SCN11A: variants seen among roughly 807,000 people sequenced by gnomAD.
SCN11A encodes sodium channel protein type 11 subunit alpha.
SCN11A carries 122 observed loss-of-function variants against 162.2 expected under a neutral mutation model. That is an observed-to-expected ratio of 0.75 (90% confidence interval 0.65 to 0.87). The LOEUF is 0.87. SCN11A is among the 40% of genes least tolerant of loss of function. The pLI is 0.00. For missense variants in SCN11A, 2,015 were observed against 2,181.6 expected (o/e 0.92, Z 1.52); for synonymous variants, 758 against 751.5 (o/e 1.01, Z -0.14).
At chr3:39,020,318 A>C (rs2031416818) in intron 2 of SCN11A, among the ~76,000 whole-genome samples, 1 of 152,230 alleles carries the variant, frequency 6.6e-6, no homozygotes, top group Non-Finnish European at 1.5e-5. Context: ...AGGTGTGGTC[A>C]ATGTTGCAAC....
chr3:39,001,642 C>T lies in SCN11A; in HGVS notation c.-280+30738G>A, dbSNP rs115076033. ...ATTTTGAATTAATTTTTGTGTATGG[C>T]GTGAAGTAGGGGCCCAACTTTATTC... is the stretch of plus-strand genomic sequence containing the variant. On this transcript the variant is annotated intron_variant, in intron 2 of 29. Transcript: ENST00000302328. 4.1e-3 allele frequency among the ~76,000 whole-genome samples: 628 copies of T among 152,058 alleles called. 9 individuals carry two copies. The highest frequency in any genetic ancestry group is 0.014 in the African/African-American group (592 of 41,422).
At chr3:38,990,274 C>A (rs1388612239) in intron 2 of SCN11A, among the ~76,000 whole-genome samples, 1 of 152,176 alleles carries the variant, frequency 6.6e-6, no homozygotes, top group African/African-American at 2.4e-5. Flanking sequence ...GGGCCCCGGG[C>A]TCCCTGCTGC....
At chr3:38,928,159 T>A (rs2066173495) in intron 7 of SCN11A, among the ~76,000 whole-genome samples, 1 of 152,200 alleles carries the variant, frequency 6.6e-6, no homozygotes, top group Non-Finnish European at 1.5e-5. Flanking sequence ...TAACTCAATA[T>A]GGATTAAAGT....
intron 23 of SCN11A, among the ~76,000 whole-genome samples, chr3:38,876,053 G>A (rs1227625569): frequency 6.6e-6 from 1 of 152,074 alleles, no homozygotes; most frequent in East Asian, 1.9e-4. Flanking sequence ...CAGAAATAAA[G>A]CCAAATACCT....
intron 2 of SCN11A, among the ~76,000 whole-genome samples, chr3:38,992,113 T>G (rs2030470991): frequency 6.6e-6 from 1 of 152,246 alleles, no homozygotes; most frequent in South Asian, 2.1e-4. Context: ...CTGGCCAGTC[T>G]GTTCTTTAGA....
chr3:39,028,270 C>T (rs1394326975), intron 2 of SCN11A, among the ~76,000 whole-genome samples: 1 of 152,206 alleles, frequency 6.6e-6, no homozygotes, highest in Admixed American at 6.5e-5. Context: ...CAGATCACAG[C>T]ATACATCCCC....
At chr3:38,918,810 C>T (rs1212581399) in intron 11 of SCN11A, among the ~76,000 whole-genome samples, 1 of 152,174 alleles carries the variant, frequency 6.6e-6, no homozygotes, top group African/African-American at 2.4e-5. Context: ...CCCATCATAC[C>T]TCTCAGCACC....
chr3:39,044,783 C>A (rs76523951), intron 1 of SCN11A, among the ~76,000 whole-genome samples: 1 of 151,586 alleles, frequency 6.6e-6, no homozygotes, highest in Non-Finnish European at 1.5e-5. Flanking sequence ...CAAGAACCAA[C>A]GAAACTCAAA....
chr3:38,974,712 AAG>A (rs1405499916), intron 2 of SCN11A, among the ~76,000 whole-genome samples: 4 of 146,564 alleles, frequency 2.7e-5, no homozygotes, highest in African/African-American at 9.9e-5. Context: ...AAAAAAAAAA[AAG>A]AAAAGAAAAG....
At chr3:39,043,431 A>T (rs1489154935) in intron 1 of SCN11A, among the ~76,000 whole-genome samples, 3 of 150,950 alleles carry the variant, frequency 2.0e-5, no homozygotes, top group Non-Finnish European at 4.4e-5. Context: ...CCATCAACAG[A>T]TGAATGGATA....
intron 23 of SCN11A, among the ~76,000 whole-genome samples, chr3:38,876,616 C>G (rs1369284005): frequency 6.6e-6 from 1 of 152,228 alleles, no homozygotes; most frequent in South Asian, 2.1e-4. Flanking sequence ...AAATGTTCAA[C>G]ATCACTAATT....
rs1005482281 is a variant in SCN11A, at chr3:39,001,911, C to T, written c.-280+30469G>A. On this transcript the variant is annotated intron_variant, in intron 2 of 29. Coordinates refer to ENST00000302328, the MANE Select transcript of SCN11A (RefSeq NM_001349253.2). ...AATTAGCTGGGCGTGGTGGCGGGCG[C>T]CTGTAGTCCCAGCTACTCAGGAGGC... 5.9e-5 allele frequency among the ~76,000 whole-genome samples: 9 copies of T among 152,156 alleles called. No homozygotes were observed. In the East Asian group the frequency reaches 1.7e-3, roughly 29 times the overall value.
chr3:38,935,923 G>GA (rs2066323897), intron 7 of SCN11A, among the ~76,000 whole-genome samples: 1 of 152,160 alleles, frequency 6.6e-6, no homozygotes, highest in South Asian at 2.1e-4. Flanking sequence ...CCAAAAAAGA[G>GA]AATTTTAGAC....
chr3:38,952,703 G>C (rs1186826970), intron 4 of SCN11A, among the ~76,000 whole-genome samples: 1 of 152,252 alleles, frequency 6.6e-6, no homozygotes, highest in African/African-American at 2.4e-5. Flanking sequence ...ATCAGGGACT[G>C]TTGTCCAAAC....
chr3:39,033,372 T>A (rs942093850), intron 1 of SCN11A, among the ~76,000 whole-genome samples: 3 of 112,656 alleles, frequency 2.7e-5, no homozygotes, highest in African/African-American at 1.2e-4. Flanking sequence ...GATGTTAAAC[T>A]TTTTTCATGT....
At position 39,016,642 on chromosome 3, in the gene SCN11A, C is replaced by T. The variant is rs911003283; in HGVS notation, c.-280+15738G>A. On this transcript the variant is annotated intron_variant, in intron 2 of 29. Transcript: ENST00000302328. ...TTTTGAGATGGAGTCTTACTCTTGT[C>T]GCCAGGCTGGAGTGCAGTGGTGAGA... Among the ~76,000 whole-genome samples the T allele has an allele frequency of 3.9e-5, 6 of 152,054 alleles. No individual in the cohort carries two copies. In the South Asian group the frequency reaches 1.2e-3, roughly 32 times the overall value.
At chr3:38,959,198 T>A (rs1200193573) in intron 3 of SCN11A, among the ~76,000 whole-genome samples, 1 of 152,182 alleles carries the variant, frequency 6.6e-6, no homozygotes, top group Non-Finnish European at 1.5e-5. Flanking sequence ...ATGGATTATC[T>A]TTCAGAATTT....
chr3:38,846,488 C>T lies in SCN11A; in HGVS notation c.*206G>A. On this transcript the variant is annotated 3_prime_UTR_variant, in exon 30 of 30. Coordinates refer to ENST00000302328, the MANE Select transcript of SCN11A (RefSeq NM_001349253.2). Reference sequence around the variant, plus strand: ...GTCTTCTTCCTTATTATAATAGTACCACTGGTTGTCAAGTAGCCTTATCTT... The same window carrying T: ...GTCTTCTTCCTTATTATAATAGTACTACTGGTTGTCAAGTAGCCTTATCTT... 1 of 561,702 alleles carries T rather than the reference C, an allele frequency of 1.8e-6. No individual in the cohort carries two copies. The highest frequency in any genetic ancestry group is 3.2e-6 in the Non-Finnish European group (1 of 315,686). The allele number at this position is 561,702 out of a possible 1,614,324, so 34.8% of individuals were successfully genotyped here.
chr3:38,959,715 A>G (rs980498932), intron 3 of SCN11A, among the ~76,000 whole-genome samples: 1 of 152,212 alleles, frequency 6.6e-6, no homozygotes, highest in Non-Finnish European at 1.5e-5. Flanking sequence ...CATAATCCAT[A>G]TTTATTAACG....
Sources: gnomAD v4.1 joint callset for allele counts (sites outside exome capture counted in the v4.1 genomes callset) on GRCh38, gnomAD v4.1.1 for gene constraint, MANE v1.5 for transcripts, NCBI Gene and HGNC (gene_info 2026-07-23, HGNC 2026-07-21) for gene names.